The following UGT1A5 variants were observed in gnomAD, a reference collection of about 807,000 sequenced individuals.
The protein encoded by UGT1A5 is UDP glucuronosyltransferase family 1 member A5.
A neutral mutation model predicts 40.3 loss-of-function variants in UGT1A5; 29 were observed. The observed-to-expected ratio is 0.72, with a 90% CI of 0.54 to 0.98. The LOEUF (loss-of-function observed/expected upper bound fraction) is 0.98, where lower values mean the gene tolerates loss of function less well. Ranked by LOEUF, UGT1A5 falls within the 50% of genes least tolerant of loss-of-function variation. The probability of loss-of-function intolerance (pLI) is 0.00; values close to 1 mark genes in which losing one functional copy is unlikely to be tolerated. For missense variants in UGT1A5, 678 were observed against 677.9 expected (o/e 1.00, Z 0.00); for synonymous variants, 257 against 262.5 (o/e 0.98, Z 0.20).
chr2:233,721,161 ATT>A lies in UGT1A5; in HGVS notation c.867+7307_867+7308del, dbSNP rs372396731. Reference sequence around the variant, plus strand: ...ATTATTGCAAAGGACACTAAACTTTATTTTTGTTTTTGATCAAACCACAAGAT... The same window carrying A: ...ATTATTGCAAAGGACACTAAACTTTATTTGTTTTTGATCAAACCACAAGAT... On this transcript the variant is annotated intron_variant, in intron 1 of 4. Coordinates refer to ENST00000373414, the MANE Select transcript of UGT1A5 (RefSeq NM_019078.2). Among the ~76,000 whole-genome samples the A allele has an allele frequency of 3.5e-4, 54 of 152,170 alleles. 1 individual carries two copies. In the East Asian group the frequency reaches 0.01, roughly 29 times the overall value.
chr2:233,750,334 A>C (rs1004492838), intron 1 of UGT1A5, among the ~76,000 whole-genome samples: 1 of 151,972 alleles, frequency 6.6e-6, no homozygotes, highest in Non-Finnish European at 1.5e-5. Context: ...CTTCAGAGAG[A>C]TGATCTGAAA....
chr2:233,718,145 A>G (rs1314627858), intron 1 of UGT1A5: 1 of 232,528 alleles, frequency 4.3e-6, no homozygotes, highest in Non-Finnish European at 8.9e-6. Flanking sequence ...AATCCTCAAT[A>G]AAGCCTTCCC....
At chr2:233,719,382 C>G in intron 1 of UGT1A5, 2 of 1,613,952 alleles carry the variant, frequency 1.2e-6, no homozygotes, top group Middle Eastern at 1.7e-4. Flanking sequence ...CACACAGTGT[C>G]CAAATCCTTC....
At chr2:233,770,541 C>T (rs745905860) in intron 4 of UGT1A5, 1 of 151,870 alleles carries the variant, frequency 6.6e-6, no homozygotes, top group Non-Finnish European at 1.5e-5. Flanking sequence ...GCCTGTAATC[C>T]CAGCTATTTG....
chr2:233,743,897 A>G (rs1231389302), intron 1 of UGT1A5: 4 of 1,366,642 alleles, frequency 2.9e-6, no homozygotes, highest in Non-Finnish European at 3.9e-6. Flanking sequence ...CACGTCCAGC[A>G]CCTCGTAGTA....
At chr2:233,758,949 A>G (rs1697026086) in intron 1 of UGT1A5, among the ~76,000 whole-genome samples, 1 of 152,184 alleles carries the variant, frequency 6.6e-6, no homozygotes, top group Non-Finnish European at 1.5e-5. Flanking sequence ...AGTCATCAGA[A>G]TTTCCCCAAA....
At chr2:233,767,557 A>T (rs1326984430) in intron 2 of UGT1A5, among the ~76,000 whole-genome samples, 2 of 152,218 alleles carry the variant, frequency 1.3e-5, no homozygotes, top group African/African-American at 4.8e-5. Flanking sequence ...TTCTGCATCC[A>T]CTTGTTTCAT....
intron 1 of UGT1A5, among the ~76,000 whole-genome samples, chr2:233,757,286 A>G (rs1696467514): frequency 8.1e-6 from 1 of 123,644 alleles, no homozygotes. Flanking sequence ...TTCAGAAGGG[A>G]CAGCTGGGGG....
At position 233,772,297 on chromosome 2, in the gene UGT1A5, A is replaced by G; in HGVS notation, c.1343A>G (p.His448Arg). ...AACATCATGCGCCTCTCCAGCCTTC[A>G]CAAGGACCGCCCGGTGGAGCCGCTG... is the stretch of plus-strand genomic sequence containing the variant. ...KENIMRLSSL[H>R]KDRPVEPLDL... Residue 448 changes from histidine to arginine, a missense_variant, in exon 5 of 5, where the codon CAC becomes CGC. Coordinates refer to ENST00000373414, the MANE Select transcript of UGT1A5 (RefSeq NM_019078.2). The G allele has an allele frequency of 1.2e-6, 2 of 1,614,224 alleles. No homozygotes were observed. The highest frequency in any genetic ancestry group is 1.7e-6 in the Non-Finnish European group (2 of 1,180,032).
rs1700524777 is a variant in UGT1A5, at chr2:233,772,469, C to T, written c.1515C>T (p.Phe505=). ...FLLAVVLTVA[F]ITFKCCAYGY... ...TGGCCGTCGTGCTGACAGTGGCCTTCATCACCTTTAAATGTTGTGCTTATG... is the reference window on the plus strand; with the variant it reads ...TGGCCGTCGTGCTGACAGTGGCCTTTATCACCTTTAAATGTTGTGCTTATG... Residue 505 remains phenylalanine (F), a synonymous_variant, in exon 5 of 5, where the codon TTC becomes TTT. Coordinates refer to ENST00000373414, the MANE Select transcript of UGT1A5 (RefSeq NM_019078.2). 12 of 1,614,144 alleles carry T rather than the reference C, an allele frequency of 7.4e-6. No homozygotes were observed. The highest frequency in any genetic ancestry group is 1.0e-5 in the Non-Finnish European group (12 of 1,180,034).
intron 1 of UGT1A5, chr2:233,743,754 C>A (rs547258685): frequency 7.3e-7 from 1 of 1,367,378 alleles, no homozygotes; most frequent in Admixed American, 1.9e-5. Flanking sequence ...TCCGACAACA[C>A]CTCGTAGGCC....
chr2:233,718,197 CT>C (rs1159094218), intron 1 of UGT1A5, among the ~76,000 whole-genome samples: 1 of 152,036 alleles, frequency 6.6e-6, no homozygotes, highest in Non-Finnish European at 1.5e-5. Flanking sequence ...CTCCCCGGAG[CT>C]TTTTTTTATA....
At chr2:233,752,004 G>A (rs558992613) in intron 1 of UGT1A5, among the ~76,000 whole-genome samples, 1 of 152,302 alleles carries the variant, frequency 6.6e-6, no homozygotes, top group Admixed American at 6.5e-5. Context: ...GAAAGTTGAT[G>A]AGAAAGTGGA....
At chr2:233,743,063 C>G (rs1189998350) in intron 1 of UGT1A5, 2 of 336,472 alleles carry the variant, frequency 5.9e-6, no homozygotes, top group East Asian at 7.7e-5. Context: ...ACGATAAGAA[C>G]AGGTGTTGGC....
chr2:233,728,343 G>A (rs1020257927), intron 1 of UGT1A5, among the ~76,000 whole-genome samples: 1 of 152,192 alleles, frequency 6.6e-6, no homozygotes, highest in African/African-American at 2.4e-5. Context: ...CAGTCCCTTG[G>A]TGAGCAGGAG....
At chr2:233,719,521 T>C in intron 1 of UGT1A5, 1 of 1,613,998 alleles carries the variant, frequency 6.2e-7, no homozygotes, top group Non-Finnish European at 8.5e-7. Flanking sequence ...TATGCAAGTC[T>C]TGCCTCTGAG....
At chr2:233,753,987 C>A (rs1695364762) in intron 1 of UGT1A5, among the ~76,000 whole-genome samples, 1 of 152,156 alleles carries the variant, frequency 6.6e-6, no homozygotes, top group African/African-American at 2.4e-5. Context: ...TTTTAAGCCA[C>A]CAAGTTTGGG....
chr2:233,770,117 C>T (rs1700019979), intron 4 of UGT1A5: 1 of 152,326 alleles, frequency 6.6e-6, no homozygotes, highest in Non-Finnish European at 1.5e-5. Context: ...CTAAGAACAA[C>T]TTGGTGAAAG....
At chr2:233,726,667 G>C (rs150592409) in intron 1 of UGT1A5, among the ~76,000 whole-genome samples, 1 of 152,128 alleles carries the variant, frequency 6.6e-6, no homozygotes, top group Non-Finnish European at 1.5e-5. Flanking sequence ...AATCATATCT[G>C]TGAAGTCTCT....
Sources: allele counts gnomAD v4.1 joint callset (sites outside exome capture counted in the v4.1 genomes callset), GRCh38; gene constraint gnomAD v4.1.1; transcripts MANE v1.5; gene names NCBI Gene and HGNC (gene_info 2026-07-23, HGNC 2026-07-21).